The following MTHFD1L variants were observed in gnomAD, a reference collection of about 807,000 sequenced individuals.
MTHFD1L encodes the protein monofunctional C1-tetrahydrofolate synthase, mitochondrial.
In MTHFD1L, 81 loss-of-function variants were observed where a neutral mutation model predicts 119.5. That is an observed-to-expected ratio of 0.68 (90% CI 0.57 to 0.82). MTHFD1L has a LOEUF of 0.82. MTHFD1L is among the 40% of genes least tolerant of loss of function. The pLI, the probability that MTHFD1L is intolerant of heterozygous loss-of-function variation, is 0.00. For synonymous variants in MTHFD1L, 430 were observed against 475.2 expected (o/e 0.90, Z 1.24); for missense variants, 1,125 against 1,253.4 (o/e 0.90, Z 1.55).
At chr6:151,074,429 T>C (rs1415688348) in intron 26 of MTHFD1L, among the ~76,000 whole-genome samples, 1 of 152,212 alleles carries the variant, frequency 6.6e-6, no homozygotes, top group African/African-American at 2.4e-5. Flanking sequence ...GTTAAAAACA[T>C]TTAGAAGCTA....
At position 150,895,791 on chromosome 6, in the gene MTHFD1L, C is replaced by T. The variant is rs550182202; in HGVS notation, c.780+7810C>T. Among the ~76,000 whole-genome samples, 9 of 152,150 alleles carry T rather than the reference C, an allele frequency of 5.9e-5. No homozygotes were observed. The South Asian group carries it at 8.3e-4, about 14-fold the overall frequency. ...AAAAAAGAATAATGTCTGTCCCAAA[C>T]GGGAGAAGGAAGGAACTCTAGCTTT... On this transcript the variant is annotated intron_variant, in intron 7 of 27. Transcript: ENST00000367321.
chr6:151,034,453 T>G (rs1313844451), intron 24 of MTHFD1L, 40 bp from the exon 25 acceptor site: 2 of 1,376,126 alleles, frequency 1.5e-6, no homozygotes, highest in East Asian at 2.3e-5. Context: ...TTTAACCAGA[T>G]TAAACTTATA....
At chr6:151,027,567 A>G (rs1784763580) in intron 24 of MTHFD1L, among the ~76,000 whole-genome samples, 1 of 152,004 alleles carries the variant, frequency 6.6e-6, no homozygotes, top group African/African-American at 2.4e-5. Context: ...AAAAGCTATC[A>G]TTTACTACAG....
intron 20 of MTHFD1L, among the ~76,000 whole-genome samples, chr6:151,000,115 G>A (rs1780395777): frequency 6.6e-6 from 1 of 152,150 alleles, no homozygotes; most frequent in Admixed American, 6.5e-5. Flanking sequence ...CGAGGCAGGT[G>A]GATCACGAGG....
At chr6:150,992,915 A>G (rs1779248424) in intron 20 of MTHFD1L, among the ~76,000 whole-genome samples, 1 of 152,214 alleles carries the variant, frequency 6.6e-6, no homozygotes. Context: ...CTGCTTTCCA[A>G]GGGCAGCAAG....
At chr6:150,980,710 TAAA>T (rs375964703) in intron 20 of MTHFD1L, among the ~76,000 whole-genome samples, 4 of 120,946 alleles carry the variant, frequency 3.3e-5, no homozygotes, top group Admixed American at 8.4e-5. Flanking sequence ...ACCCTGTCTC[TAAA>T]AAAAAAAAAA....
In MTHFD1L at chr6:151,014,269, TA is replaced by T. The variant is rs573094115; in HGVS notation, c.2307+453del. ...AGAGGAAATGGATGGGATGAAAGGATAAAATTCATTCAGTTAACTCTTAAAT... is the reference window on the plus strand; with the variant it reads ...AGAGGAAATGGATGGGATGAAAGGATAAATTCATTCAGTTAACTCTTAAAT... On this transcript the variant is annotated intron_variant, in intron 22 of 27. Coordinates refer to ENST00000367321, the MANE Select transcript of MTHFD1L (RefSeq NM_015440.5). 2.6e-4 allele frequency among the ~76,000 whole-genome samples: 40 copies of T among 152,254 alleles called. No homozygotes were observed. In the East Asian group the frequency reaches 6.0e-3, roughly 23 times the overall value.
intron 20 of MTHFD1L, among the ~76,000 whole-genome samples, chr6:150,988,768 G>T (rs1292614294): frequency 1.3e-5 from 2 of 151,956 alleles, no homozygotes; most frequent in Non-Finnish European, 2.9e-5. Flanking sequence ...CACCACACCC[G>T]GCTAATTTTG....
rs549950577 is a variant in MTHFD1L, at chr6:150,972,345, C to G, written c.2125+287C>G. Among the ~76,000 whole-genome samples, 3 of 152,248 alleles carry G rather than the reference C, an allele frequency of 2.0e-5. No individual in the cohort carries two copies. In the East Asian group the frequency reaches 5.8e-4, roughly 29 times the overall value. ...ACACATTTTAATTACTACTGAGCTT[C>G]GGTTTTCTTGTGTGTAAAATAGTGA... On this transcript the variant is annotated intron_variant, in intron 20 of 27. Coordinates refer to ENST00000367321, the MANE Select transcript of MTHFD1L (RefSeq NM_015440.5).
At chr6:150,886,922 G>A (rs1782406100) in intron 6 of MTHFD1L, among the ~76,000 whole-genome samples, 1 of 151,186 alleles carries the variant, frequency 6.6e-6, no homozygotes, top group East Asian at 1.9e-4. Context: ...CTGGAGCCTG[G>A]GAGGTCAAGG....
At chr6:151,063,589 T>C (rs764594779) in intron 26 of MTHFD1L, among the ~76,000 whole-genome samples, 5 of 152,224 alleles carry the variant, frequency 3.3e-5, no homozygotes, top group Non-Finnish European at 7.3e-5. Flanking sequence ...TAAGGGCGGT[T>C]TGCTTATTTC....
At chr6:150,927,641 G>C (rs769516417) in intron 11 of MTHFD1L, among the ~76,000 whole-genome samples, 2 of 151,854 alleles carry the variant, frequency 1.3e-5, no homozygotes, top group Non-Finnish European at 2.9e-5. Flanking sequence ...ATTTTTAGTC[G>C]AGATGGGGTT....
chr6:151,015,019 C>T (rs897238453), intron 23 of MTHFD1L, 39 bp downstream of exon 23: 2 of 1,506,382 alleles, frequency 1.3e-6, no homozygotes, highest in Non-Finnish European at 1.8e-6. Flanking sequence ...GGCATTATCA[C>T]TAGGCCACCC....
At chr6:150,876,483 A>G (rs956598198) in intron 2 of MTHFD1L, among the ~76,000 whole-genome samples, 2 of 152,202 alleles carry the variant, frequency 1.3e-5, no homozygotes, top group African/African-American at 4.8e-5. Context: ...TGCTTACCAA[A>G]TGTGATTTGA....
intron 19 of MTHFD1L, among the ~76,000 whole-genome samples, chr6:150,966,547 G>A (rs571594396): frequency 9.8e-5 from 15 of 152,324 alleles, no homozygotes; most frequent in African/African-American, 3.4e-4. Context: ...GATTGGCCAG[G>A]CACGGTGGCT....
intron 26 of MTHFD1L, among the ~76,000 whole-genome samples, chr6:151,057,735 A>G (rs1790151444): frequency 6.6e-6 from 1 of 152,106 alleles, no homozygotes; most frequent in African/African-American, 2.4e-5. Context: ...TTCTCAAAAC[A>G]TTCCACAGAA....
intron 26 of MTHFD1L, among the ~76,000 whole-genome samples, chr6:151,078,680 G>A (rs552690922): frequency 6.6e-6 from 1 of 152,152 alleles, no homozygotes; most frequent in East Asian, 1.9e-4. Context: ...CTTCTCCTTC[G>A]TCCATTCACA....
chr6:151,100,049 T>C (rs935507310), intron 27 of MTHFD1L: 25 of 633,404 alleles, frequency 3.9e-5, no homozygotes, highest in Non-Finnish European at 5.6e-5. Context: ...TTTTTTTTTT[T>C]TTGAGACGCA....
chr6:151,058,865 C>T (rs550537908), intron 26 of MTHFD1L, among the ~76,000 whole-genome samples: 4 of 152,266 alleles, frequency 2.6e-5, no homozygotes, highest in Admixed American at 6.5e-5. Flanking sequence ...TTAATAGAGA[C>T]GGGGTTTCAC....
Sources: gnomAD v4.1 joint callset for allele counts (sites outside exome capture counted in the v4.1 genomes callset) on GRCh38, gnomAD v4.1.1 for gene constraint, MANE v1.5 for transcripts, NCBI Gene and HGNC (gene_info 2026-07-23, HGNC 2026-07-21) for gene names.